The following MTMR12 variants were observed in gnomAD, a reference collection of about 807,000 sequenced individuals.
MTMR12 encodes the protein myotubularin-related protein 12.
MTMR12 carries 33 observed loss-of-function variants against 96.7 expected under a neutral mutation model. That is an observed-to-expected ratio of 0.34 (90% CI 0.26 to 0.46). The LOEUF (loss-of-function observed/expected upper bound fraction) is 0.46, where lower values mean the gene tolerates loss of function less well. Ranked by LOEUF, MTMR12 falls within the 20% of genes least tolerant of loss-of-function variation. The pLI is 1.00. For synonymous variants in MTMR12, 298 were observed against 327.2 expected, an observed-to-expected ratio of 0.91 and a Z score of 0.96; for missense variants, 721 against 896.1, an observed-to-expected ratio of 0.80 and a Z score of 2.49.
At chr5:32,262,314 T>C (rs1313940565) in intron 7 of MTMR12, among the ~76,000 whole-genome samples, 2 of 152,124 alleles carry the variant, frequency 1.3e-5, no homozygotes, top group African/African-American at 2.4e-5. Context: ...ATCAATATTA[T>C]TCATGGCCAG....
In MTMR12 at chr5:32,234,742, GTAGT is replaced by G. The variant is rs1325901572; in HGVS notation, c.1512+216_1512+219del. On this transcript the variant is annotated intron_variant, in intron 14 of 15. Coordinates refer to ENST00000382142, the MANE Select transcript of MTMR12 (RefSeq NM_001040446.3). ...AAGCTCTTAGACCAATGCTTGGTAT[GTAGT>G]TAGTGTTCAATATCTTTTTTAAAAT... 9.8e-6 allele frequency: 4 copies of G among 407,804 alleles called. No homozygotes were observed. In the Admixed American group the frequency reaches 1.2e-4, roughly 12 times the overall value. The allele number at this position is 407,804 out of a possible 1,614,324, so 25.3% of individuals were successfully genotyped here.
chr5:32,298,736 C>T (rs1751016999), intron 1 of MTMR12, among the ~76,000 whole-genome samples: 1 of 151,670 alleles, frequency 6.6e-6, no homozygotes, highest in African/African-American at 2.4e-5. Context: ...ATCATGAGGT[C>T]AGGAGATCGA....
chr5:32,312,728 C>A lies in MTMR12; in HGVS notation c.81+30G>T, dbSNP rs771146763. On this transcript the variant is annotated intron_variant, in intron 1 of 15. Transcript: ENST00000382142. The surrounding 1 kb of genome is among the most constrained non-coding windows in gnomAD (Gnocchi z 5.0). ...GCCCCTCGCCCCGGCCGCCCCTGCC[C>A]GACGCCCCGCCTGCGCGGCGCCCCC... The A allele has an allele frequency of 2.0e-6, 3 of 1,481,712 alleles. No individual in the cohort carries two copies. Among genetic ancestry groups the A allele is most frequent in the Non-Finnish European group, 1.8e-6 (2 of 1,117,836 alleles). 91.8% of individuals were successfully genotyped at this position (1,481,712 alleles called of 1,614,324 possible).
At chr5:32,270,284 C>A (rs1158475968) in intron 5 of MTMR12, among the ~76,000 whole-genome samples, 2 of 152,146 alleles carry the variant, frequency 1.3e-5, no homozygotes, top group Non-Finnish European at 2.9e-5. Context: ...CACCTAGTTG[C>A]ATATCTCAAC....
At chr5:32,257,492 C>T (rs879444299) in intron 7 of MTMR12, among the ~76,000 whole-genome samples, 7 of 151,804 alleles carry the variant, frequency 4.6e-5, no homozygotes, top group African/African-American at 9.7e-5. Flanking sequence ...AATCATCAGC[C>T]GGGCATGGTG....
intron 1 of MTMR12, among the ~76,000 whole-genome samples, chr5:32,290,981 G>A (rs1383958260): frequency 2.0e-5 from 3 of 152,198 alleles, no homozygotes; most frequent in Non-Finnish European, 4.4e-5. Flanking sequence ...CATACAGTGG[G>A]TCGTGCACAG....
rs1750066767 is a variant in MTMR12 at position 32,276,726 on chromosome 5, T to C, written c.98A>G (p.Glu33Gly). ...YVRPEEIHTNEKEVTEKEVTL... is the reference protein window; with the variant it reads ...YVRPEEIHTNGKEVTEKEVTL... ...TACTTCCTTCTCTGTTACTTCCTTT[T>C]CGTTTGTGTGAATTTCCTAAAAGAG... The change falls in exon 2 of 16, where the codon GAA becomes GGA. Residue 33 changes from glutamate to glycine, a missense_variant. By Grantham distance (98) the Glu-to-Gly change is moderately conservative. Transcript: ENST00000382142. The C allele has an allele frequency of 1.2e-6, 2 of 1,613,844 alleles. No individual in the cohort carries two copies. Among genetic ancestry groups the C allele is most frequent in the African/African-American group, 1.3e-5 (1 of 74,922 alleles).
At chr5:32,234,054 T>C (rs1029255861) in intron 14 of MTMR12, 120 bp from the exon 15 acceptor site, 5 of 1,229,268 alleles carry the variant, frequency 4.1e-6, no homozygotes, top group African/African-American at 3.0e-5. Context: ...TGAATAATCA[T>C]GGGCATTTAA....
At chr5:32,256,665 C>G (rs1461745991) in intron 7 of MTMR12, among the ~76,000 whole-genome samples, 1 of 152,176 alleles carries the variant, frequency 6.6e-6, no homozygotes, top group African/African-American at 2.4e-5. Flanking sequence ...CCTCAAAGAG[C>G]TTGAAATAAA....
chr5:32,248,789 T>C lies in MTMR12; in HGVS notation c.879A>G (p.Gln293=), dbSNP rs1297674452. Residue 293 remains glutamine (Q), a synonymous_variant, in exon 9 of 16, where the codon CAA becomes CAG. Transcript: ENST00000382142. ...GTACTGACCCATCTAAGAAGCTCTT[T>C]TGGATTTGTAAAATGCCGTCATCCT... ...KEQDDGILQI[Q]KSFLDGIYKT... is the part of the protein sequence containing the mutation. The C allele has an allele frequency of 6.2e-7, 1 of 1,614,132 alleles. No homozygotes were observed. Among genetic ancestry groups the C allele is most frequent in the African/African-American group, 1.3e-5 (1 of 75,070 alleles).
intron 1 of MTMR12, among the ~76,000 whole-genome samples, chr5:32,292,140 T>C (rs988626012): frequency 2.0e-5 from 3 of 152,212 alleles, no homozygotes; most frequent in African/African-American, 7.2e-5. Context: ...GACAGAATGG[T>C]GTAATAGCCT....
chr5:32,260,828 G>A (rs1045329322), intron 7 of MTMR12, among the ~76,000 whole-genome samples: 4 of 151,660 alleles, frequency 2.6e-5, no homozygotes, highest in African/African-American at 9.7e-5. Flanking sequence ...ATGATACAAA[G>A]AGCTCTACAA....
intron 11 of MTMR12, among the ~76,000 whole-genome samples, chr5:32,242,431 G>A (rs1748514214): frequency 6.6e-6 from 1 of 152,110 alleles, no homozygotes; most frequent in Non-Finnish European, 1.5e-5. Context: ...GTCTGCTGGT[G>A]AGCAAGATTC....
Position 32,312,748 on chromosome 5 carries a change from G to T in MTMR12, c.81+10C>A. 2 of 1,502,124 alleles carry T rather than the reference G, an allele frequency of 1.3e-6. No individual in the cohort carries two copies. Among genetic ancestry groups the T allele is most frequent in the Non-Finnish European group, 1.8e-6 (2 of 1,126,892 alleles). 93.0% of individuals were successfully genotyped at this position (1,502,124 alleles called of 1,614,324 possible). A position where few individuals can be genotyped will look rare whatever the true frequency, so the allele number is the denominator to read the frequency against. Reference sequence around the variant, plus strand: ...CTGCCCGACGCCCCGCCTGCGCGGCGCCCCCTCACCTCAGGGCGTACGTAC... The same window carrying T: ...CTGCCCGACGCCCCGCCTGCGCGGCTCCCCCTCACCTCAGGGCGTACGTAC... On this transcript the variant is annotated intron_variant, in intron 1 of 15. Coordinates refer to ENST00000382142, the MANE Select transcript of MTMR12 (RefSeq NM_001040446.3). The surrounding 1 kb of genome is among the most constrained non-coding windows in gnomAD (Gnocchi z 5.0).
chr5:32,304,543 T>C (rs1303911836), intron 1 of MTMR12, among the ~76,000 whole-genome samples: 1 of 152,196 alleles, frequency 6.6e-6, no homozygotes, highest in African/African-American at 2.4e-5. Flanking sequence ...CTTATGATAA[T>C]GGAATTTTCT....
At chr5:32,274,542 T>C (rs967502035) in intron 2 of MTMR12, among the ~76,000 whole-genome samples, 2 of 152,082 alleles carry the variant, frequency 1.3e-5, no homozygotes, top group Admixed American at 1.3e-4. Context: ...AAAACGCAGA[T>C]CCCAAGCCCA....
chr5:32,260,037 CAA>C (rs55822680), intron 7 of MTMR12, among the ~76,000 whole-genome samples: 7 of 54,798 alleles, frequency 1.3e-4, no homozygotes, highest in African/African-American at 6.3e-5. Flanking sequence ...CTCAGTCTCC[CAA>C]AAAAAAAAAA....
At chr5:32,250,082 C>T (rs960794138) in intron 8 of MTMR12, among the ~76,000 whole-genome samples, 1 of 152,106 alleles carries the variant, frequency 6.6e-6, no homozygotes, top group Non-Finnish European at 1.5e-5. Flanking sequence ...TGGCGTAGAC[C>T]GAGAGTTAGA....
chr5:32,295,372 C>G (rs1311860491), intron 1 of MTMR12, among the ~76,000 whole-genome samples: 1 of 152,246 alleles, frequency 6.6e-6, no homozygotes, highest in Non-Finnish European at 1.5e-5. Flanking sequence ...CTCAAGGTAA[C>G]AAACCACATA....
Sources: allele counts gnomAD v4.1 joint callset (sites outside exome capture counted in the v4.1 genomes callset), GRCh38; gene constraint gnomAD v4.1.1; non-coding constraint Gnocchi (gnomAD v3.1); transcripts MANE v1.5; gene names NCBI Gene and HGNC (gene_info 2026-07-23, HGNC 2026-07-21).